Variants in BLTP1 observed in about 807,000 individuals in gnomAD.
The protein encoded by BLTP1 is bridge-like lipid transfer protein family member 1.
chr4:122,217,369 T>C, the BLTP1 span, among the ~76,000 whole-genome samples: 1 of 143,918 alleles, frequency 6.9e-6, no homozygotes, highest in Non-Finnish European at 1.5e-5. Flanking sequence ...ATTTTAGGAT[T>C]TTTTTTTTTT....
At chr4:122,328,016 G>T in the BLTP1 span, 2 of 1,024,398 alleles carry the variant, frequency 2.0e-6, no homozygotes, top group Non-Finnish European at 2.7e-6. Context: ...TCAACTCTGA[G>T]ATAATTTTTA....
chr4:122,338,309 A>C, the BLTP1 span, among the ~76,000 whole-genome samples: 1 of 151,972 alleles, frequency 6.6e-6, no homozygotes. Context: ...TCTACCAAAA[A>C]AAAATAAAAT....
chr4:122,311,561 AT>A, the BLTP1 span, among the ~76,000 whole-genome samples: 1 of 152,092 alleles, frequency 6.6e-6, no homozygotes, highest in African/African-American at 2.4e-5. Context: ...ATGCCTTAGA[AT>A]TTTTTTAACA....
the BLTP1 span, chr4:122,257,275 G>A: frequency 6.2e-7 from 1 of 1,613,482 alleles, no homozygotes; most frequent in Non-Finnish European, 8.5e-7. Context: ...TTCCTGCTTT[G>A]GTAACTTTGA....
chr4:122,271,494 C>A, the BLTP1 span: 3 of 1,613,424 alleles, frequency 1.9e-6, no homozygotes, highest in Non-Finnish European at 2.5e-6. Context: ...AACAAGAATT[C>A]ATTAGGAAGA....
the BLTP1 span, chr4:122,244,130 A>G: frequency 2.2e-5 from 28 of 1,269,842 alleles, 1 homozygote; most frequent in South Asian, 3.3e-4. Flanking sequence ...GTTGATAGTT[A>G]TAAGTATATG....
chr4:122,172,572 TAA>T, the BLTP1 span, among the ~76,000 whole-genome samples: 1 of 152,208 alleles, frequency 6.6e-6, no homozygotes, highest in Non-Finnish European at 1.5e-5. Flanking sequence ...TTCTTTTACT[TAA>T]AGCACAGCTT....
the BLTP1 span, among the ~76,000 whole-genome samples, chr4:122,293,614 G>A: frequency 2.2e-5 from 3 of 138,708 alleles, no homozygotes; most frequent in South Asian, 2.3e-4. Context: ...ACTCGGGCAC[G>A]CACAGAGACA....
chr4:122,314,644 C>T, the BLTP1 span, among the ~76,000 whole-genome samples: 17 of 152,170 alleles, frequency 1.1e-4, no homozygotes, highest in East Asian at 3.1e-3. Context: ...TTCTGTTTTC[C>T]TCCCCAAGCC....
chr4:122,292,131 C>G, the BLTP1 span, among the ~76,000 whole-genome samples: 2 of 151,998 alleles, frequency 1.3e-5, no homozygotes, highest in Non-Finnish European at 2.9e-5. Flanking sequence ...CCACCACACC[C>G]AGCTATTTTT....
the BLTP1 span, chr4:122,232,059 C>G: frequency 1.9e-5 from 19 of 985,060 alleles, no homozygotes; most frequent in Middle Eastern, 5.2e-4. Flanking sequence ...GAGCAAGGTG[C>G]GAATGGAACT....
At chr4:122,258,612 T>C in the BLTP1 span, 1 of 1,434,460 alleles carries the variant, frequency 7.0e-7, no homozygotes, top group South Asian at 1.6e-5. Flanking sequence ...GAAAGTTGAG[T>C]GTCATTATAT....
the BLTP1 span, chr4:122,169,993 T>C: frequency 1.0e-6 from 1 of 985,272 alleles, no homozygotes; most frequent in South Asian, 4.7e-5. Context: ...GTATTTCTGA[T>C]TGTTGAGATG....
At chr4:122,293,679 C>G in the BLTP1 span, among the ~76,000 whole-genome samples, 1 of 152,190 alleles carries the variant, frequency 6.6e-6, no homozygotes, top group Non-Finnish European at 1.5e-5. Context: ...GAAATCCATC[C>G]ATGCATTCCC....
the BLTP1 span, chr4:122,255,287 A>G: frequency 8.2e-6 from 13 of 1,578,508 alleles, no homozygotes; most frequent in South Asian, 1.5e-4. Flanking sequence ...TACAATGGTA[A>G]GTTACTGAAA....
the BLTP1 span, chr4:122,164,411 G>T: frequency 1.0e-6 from 1 of 985,330 alleles, no homozygotes; most frequent in Non-Finnish European, 1.2e-6. Flanking sequence ...GTCTGGTTTT[G>T]TTGCTGCTTC....
chr4:122,289,073 A>AT, the BLTP1 span: 5 of 1,604,990 alleles, frequency 3.1e-6, no homozygotes, highest in Non-Finnish European at 8.5e-7. Flanking sequence ...ATCTAATATG[A>AT]TTTTGTCTGG....
the BLTP1 span, chr4:122,192,240 G>A: frequency 6.2e-7 from 1 of 1,612,448 alleles, no homozygotes; most frequent in Non-Finnish European, 8.5e-7. Context: ...ACTTGTTCCG[G>A]AAGAAACAGA....
At chr4:122,178,183 A>C in the BLTP1 span, 8 of 850,190 alleles carry the variant, frequency 9.4e-6, no homozygotes, top group Admixed American at 6.2e-5. Context: ...AGATAGACCT[A>C]TACCAGTAGA....
Sources: gnomAD v4.1 joint callset for allele counts (sites outside exome capture counted in the v4.1 genomes callset) on GRCh38, gnomAD v4.1.1 for gene constraint, MANE v1.5 for transcripts, NCBI Gene and HGNC (gene_info 2026-07-23, HGNC 2026-07-21) for gene names.